The following TMTC3 variants were observed in gnomAD, a reference collection of about 807,000 sequenced individuals.
The protein encoded by TMTC3 is transmembrane O-mannosyltransferase targeting cadherins 3, also known as protein O-mannosyl-transferase TMTC3.
In TMTC3, 52 loss-of-function variants were observed where a neutral mutation model predicts 92.2. The ratio of observed to expected loss-of-function variants is 0.56; its 90% CI spans 0.45 to 0.71. The LOEUF (loss-of-function observed/expected upper bound fraction) is 0.71. Among genes scored for constraint, TMTC3 ranks in the 30% least tolerant of loss-of-function variants. TMTC3 has a pLI of 0.00. For synonymous variants in TMTC3, 339 were observed against 363.3 expected (o/e 0.93, Z 0.76); for missense variants, 896 against 1,057.1 (o/e 0.85, Z 2.11).
Position 88,195,350 on chromosome 12 carries a change from G to A in TMTC3, c.2446G>A (p.Asp816Asn). The A allele has an allele frequency of 6.2e-7, 1 of 1,613,862 alleles. No individual in the cohort carries two copies. The highest frequency in any genetic ancestry group is 1.1e-5 in the South Asian group (1 of 91,078). Residue 816 changes from aspartate (D) to asparagine (N), a missense_variant, in exon 14 of 14, where the codon GAT becomes AAT. Physicochemically the swap from Asp to Asn is conservative, Grantham distance 23. Coordinates refer to ENST00000266712, the MANE Select transcript of TMTC3 (RefSeq NM_181783.4). ...TCAGCGCCATTTGAATATAGTCAGGGATAAGATTTCCTCATCTAGTTTTAT... is the reference window on the plus strand; with the variant it reads ...TCAGCGCCATTTGAATATAGTCAGGAATAAGATTTCCTCATCTAGTTTTAT... ...YIQRHLNIVR[D>N]KISSSSFIEP...
At chr12:88,166,054 G>T (rs1199930355) in intron 6 of TMTC3, among the ~76,000 whole-genome samples, 1 of 152,082 alleles carries the variant, frequency 6.6e-6, no homozygotes, top group Non-Finnish European at 1.5e-5. Flanking sequence ...AATATTATAG[G>T]ATGCATGTCT....
intron 2 of TMTC3, among the ~76,000 whole-genome samples, chr12:88,150,073 AC>A (rs1365039123): frequency 6.6e-6 from 1 of 152,174 alleles, no homozygotes; most frequent in Non-Finnish European, 1.5e-5. Context: ...ACGAAGAAAT[AC>A]CTGAGACAGG....
chr12:88,179,868 G>A (rs1442548393), intron 10 of TMTC3, among the ~76,000 whole-genome samples: 1 of 152,144 alleles, frequency 6.6e-6, no homozygotes, highest in African/African-American at 2.4e-5. Flanking sequence ...TCTGGAGACA[G>A]GAGTAAACAA....
At chr12:88,169,379 A>T (rs1384152077) in intron 7 of TMTC3, among the ~76,000 whole-genome samples, 1 of 152,194 alleles carries the variant, frequency 6.6e-6, no homozygotes, top group Non-Finnish European at 1.5e-5. Flanking sequence ...TTAAGGTTTC[A>T]GCAAATAAAA....
chr12:88,166,642 T>C (rs1189882939), intron 7 of TMTC3, 60 bp downstream of exon 7: 1 of 1,515,920 alleles, frequency 6.6e-7, no homozygotes, highest in Admixed American at 2.2e-5. Flanking sequence ...AGTAAGAAAC[T>C]ACCTTTAATT....
Position 88,192,587 on chromosome 12 carries a change from G to A in TMTC3, c.1707-17G>A. 1 of 1,576,566 alleles carries A rather than the reference G, an allele frequency of 6.3e-7. No individual in the cohort carries two copies. Among genetic ancestry groups the A allele is most frequent in the Non-Finnish European group, 8.7e-7 (1 of 1,149,216 alleles). On this transcript the variant is annotated splice_polypyrimidine_tract_variant and intron_variant, in intron 12 of 13. Coordinates refer to ENST00000266712, the MANE Select transcript of TMTC3 (RefSeq NM_181783.4). The stretch of plus-strand genomic sequence containing the variant: ...TGGTAATGTTGTAAGTAAAGCTTGT[G>A]TTTGATTTTTCCACAGAGGAGAATT...
At chr12:88,174,505 T>C (rs2138410874) in intron 8 of TMTC3, 102 bp from the exon 9 acceptor site, 1 of 1,304,946 alleles carries the variant, frequency 7.7e-7, no homozygotes, top group East Asian at 2.4e-5. Context: ...ACATATGATA[T>C]TTTAGGAGCA....
chr12:88,167,343 G>A (rs966071884), intron 7 of TMTC3, among the ~76,000 whole-genome samples: 2 of 152,124 alleles, frequency 1.3e-5, no homozygotes, highest in African/African-American at 4.8e-5. Flanking sequence ...GGTGGAATTT[G>A]CAGTGAGCTG....
At position 88,196,999 on chromosome 12, in the gene TMTC3, C is replaced by T. The variant is rs1010153506; in HGVS notation, c.*1350C>T. ...TGAATTAAAGTACATTTTAAATGAG[C>T]TTTATAATACCTTAAAAAGTTGGTT... On this transcript the variant is annotated 3_prime_UTR_variant, in exon 14 of 14. Transcript: ENST00000266712. 3 of 151,806 alleles carry T rather than the reference C, an allele frequency of 2.0e-5. No homozygotes were observed. The highest frequency in any genetic ancestry group is 7.3e-5 in the African/African-American group (3 of 41,326). The allele number at this position is 151,806 out of a possible 1,614,324, so 9.4% of individuals were successfully genotyped here. A position where few individuals can be genotyped will look rare whatever the true frequency, so the allele number is the denominator to read the frequency against.
chr12:88,174,523 T>C (rs1461549317), intron 8 of TMTC3, 84 bp from the exon 9 acceptor site: 9 of 1,432,844 alleles, frequency 6.3e-6, no homozygotes, highest in Admixed American at 2.4e-5. Flanking sequence ...GCATTTAAGA[T>C]ACTTCTTACC....
rs977261243 is a variant in TMTC3 at position 88,153,532 on chromosome 12, T to A, written c.408+23T>A. ...GCAGTAAGTAAAACTATGAACTGAC[T>A]TTTTTTCTTTTTCCTTTTTTACAAA... On this transcript the variant is annotated intron_variant, in intron 3 of 13. Coordinates refer to ENST00000266712, the MANE Select transcript of TMTC3 (RefSeq NM_181783.4). The A allele has an allele frequency of 2.1e-6, 3 of 1,424,314 alleles. No homozygotes were observed. The East Asian group carries it at 6.9e-5, about 33-fold the overall frequency. 88.2% of individuals were successfully genotyped at this position (1,424,314 alleles called of 1,614,324 possible). A position where few individuals can be genotyped will look rare whatever the true frequency, so the allele number is the denominator to read the frequency against.
At chr12:88,164,189 C>CAAAAAAAAA (rs1008391943) in intron 6 of TMTC3, among the ~76,000 whole-genome samples, 1 of 48,796 alleles carries the variant, frequency 2.0e-5, no homozygotes, top group African/African-American at 7.6e-5. Context: ...GACTTTGTCT[C>CAAAAAAAAA]AAAAAAAAAA....
chr12:88,146,185 G>T (rs1407120943), intron 1 of TMTC3, among the ~76,000 whole-genome samples: 1 of 152,062 alleles, frequency 6.6e-6, no homozygotes, highest in Non-Finnish European at 1.5e-5. Flanking sequence ...AGTAACCTAA[G>T]ATGACTCCAC....
intron 9 of TMTC3, among the ~76,000 whole-genome samples, chr12:88,175,536 C>T (rs1389527271): frequency 2.0e-5 from 3 of 152,120 alleles, no homozygotes; most frequent in Non-Finnish European, 4.4e-5. Context: ...AACTCAGTAG[C>T]TCTACTCTCT....
chr12:88,151,828 A>G (rs2040946881), intron 2 of TMTC3, among the ~76,000 whole-genome samples: 1 of 152,202 alleles, frequency 6.6e-6, no homozygotes, highest in South Asian at 2.1e-4. Context: ...CAGTGCCTTA[A>G]AAATAGCTTT....
intron 7 of TMTC3, among the ~76,000 whole-genome samples, chr12:88,170,590 G>A (rs557930813): frequency 6.6e-6 from 1 of 152,214 alleles, no homozygotes; most frequent in Admixed American, 6.5e-5. Context: ...ATTAATGTGT[G>A]AACATTTGTG....
intron 4 of TMTC3, among the ~76,000 whole-genome samples, chr12:88,157,073 G>A (rs2041021091): frequency 1.3e-5 from 2 of 151,994 alleles, no homozygotes; most frequent in Middle Eastern, 6.9e-3. Context: ...CCTTAGGGTA[G>A]GTAACTTTTT....
chr12:88,176,160 G>A (rs1005718249), intron 9 of TMTC3, 48 bp from the exon 10 acceptor site: 5 of 1,261,454 alleles, frequency 4.0e-6, no homozygotes, highest in Non-Finnish European at 5.6e-6. Flanking sequence ...ATGAACTGGA[G>A]TCATTTTTTT....
Position 88,160,755 on chromosome 12 carries a change from A to G in TMTC3, c.701A>G (p.Gln234Arg). 6.2e-7 allele frequency: 1 copy of G among 1,613,678 alleles called. No homozygotes were observed. Among genetic ancestry groups the G allele is most frequent in the Non-Finnish European group, 8.5e-7 (1 of 1,179,756 alleles). Residue 234 changes from glutamine to arginine, a missense_variant, in exon 6 of 14, where the codon CAG becomes CGG. Transcript: ENST00000266712. ...GKGSIPFSML[Q>R]TLVKLIVLMF... Reference sequence around the variant, plus strand: ...GGTAGCATTCCATTTTCTATGCTGCAGACACTAGTAAAACTCATTGTCTTG... The same window carrying G: ...GGTAGCATTCCATTTTCTATGCTGCGGACACTAGTAAAACTCATTGTCTTG...
Sources: gnomAD v4.1 joint callset for allele counts (sites outside exome capture counted in the v4.1 genomes callset) on GRCh38, gnomAD v4.1.1 for gene constraint, MANE v1.5 for transcripts, NCBI Gene and HGNC (gene_info 2026-07-23, HGNC 2026-07-21) for gene names.